The following DENND1A variants were observed in gnomAD, a reference collection of about 807,000 sequenced individuals.
The protein encoded by DENND1A is DENN domain containing 1A.
A neutral mutation model predicts 113.7 loss-of-function variants in DENND1A; 51 were observed. That is an observed-to-expected ratio of 0.45 (90% CI 0.36 to 0.57). The LOEUF is 0.57. Ranked by LOEUF, DENND1A falls within the 20% of genes least tolerant of loss-of-function variation. DENND1A has a pLI of 0.00. For synonymous variants in DENND1A, 565 were observed against 570.8 expected (o/e 0.99, Z 0.14); for missense variants, 1,258 against 1,395.9 (o/e 0.90, Z 1.57).
At chr9:123,710,304 C>T (rs1359131287) in intron 5 of DENND1A, among the ~76,000 whole-genome samples, 1 of 152,102 alleles carries the variant, frequency 6.6e-6, no homozygotes, top group South Asian at 2.1e-4. Context: ...CTTTTTATGT[C>T]ACCAACAAAA....
At chr9:123,889,727 C>G (rs184453561) in intron 1 of DENND1A, among the ~76,000 whole-genome samples, 22 of 152,234 alleles carry the variant, frequency 1.4e-4, no homozygotes, top group African/African-American at 4.6e-4. Context: ...AATTCCAGCA[C>G]TTTGGGAGGC....
chr9:123,621,853 T>C (rs2060980244), intron 10 of DENND1A, among the ~76,000 whole-genome samples: 1 of 152,242 alleles, frequency 6.6e-6, no homozygotes, highest in Non-Finnish European at 1.5e-5. Flanking sequence ...AACTGGATGT[T>C]ACTTCAGAAT....
At chr9:123,802,117 C>G (rs1199418636) in intron 2 of DENND1A, among the ~76,000 whole-genome samples, 1 of 152,186 alleles carries the variant, frequency 6.6e-6, no homozygotes, top group East Asian at 1.9e-4. Flanking sequence ...AACTAACTTG[C>G]TTTTGGCACT....
intron 5 of DENND1A, among the ~76,000 whole-genome samples, chr9:123,719,402 A>G (rs2067188311): frequency 6.6e-6 from 1 of 152,210 alleles, no homozygotes; most frequent in Non-Finnish European, 1.5e-5. Context: ...GCCGTGGATG[A>G]CAATCACGAA....
At chr9:123,485,004 G>C (rs1256466196) in intron 13 of DENND1A, among the ~76,000 whole-genome samples, 5 of 152,210 alleles carry the variant, frequency 3.3e-5, no homozygotes, top group Admixed American at 1.3e-4. Flanking sequence ...ACCTGATGTA[G>C]GGAAGTGGTG....
chr9:123,629,862 AAAACAAAC>A (rs1278934091), intron 10 of DENND1A, among the ~76,000 whole-genome samples: 2 of 152,200 alleles, frequency 1.3e-5, no homozygotes, highest in African/African-American at 4.8e-5. Context: ...GTCTTAGGAA[AAAACAAAC>A]AAACAAACAC....
intron 7 of DENND1A, 64 bp from the exon 8 acceptor site, chr9:123,667,143 AT>A: frequency 6.9e-7 from 1 of 1,459,428 alleles, no homozygotes; most frequent in South Asian, 1.3e-5. Flanking sequence ...ATTACTCAGA[AT>A]TCAGGTAAAT....
intron 19 of DENND1A, among the ~76,000 whole-genome samples, chr9:123,434,306 C>T (rs955490515): frequency 1.3e-5 from 2 of 152,228 alleles, no homozygotes; most frequent in Non-Finnish European, 2.9e-5. Context: ...GGATTACAGG[C>T]GTGAGCCACC....
At chr9:123,742,007 C>T (rs1004288768) in intron 5 of DENND1A, among the ~76,000 whole-genome samples, 15 of 152,196 alleles carry the variant, frequency 9.9e-5, no homozygotes, top group Non-Finnish European at 1.8e-4. Context: ...CAGGCCAGAG[C>T]GTTGCTCTCA....
chr9:123,388,971 G>C (rs1395550559), intron 21 of DENND1A, among the ~76,000 whole-genome samples: 3 of 152,224 alleles, frequency 2.0e-5, no homozygotes, highest in Non-Finnish European at 4.4e-5. Context: ...TGGGGCACGG[G>C]GGCTGGCATG....
intron 11 of DENND1A, among the ~76,000 whole-genome samples, chr9:123,587,721 AG>A (rs2059248989): frequency 6.6e-6 from 1 of 152,242 alleles, no homozygotes; most frequent in Non-Finnish European, 1.5e-5. Flanking sequence ...TCATTTTGGC[AG>A]TCCAACCTGG....
At chr9:123,526,524 TC>T (rs1234654522) in intron 13 of DENND1A, among the ~76,000 whole-genome samples, 2 of 151,972 alleles carry the variant, frequency 1.3e-5, no homozygotes, top group Non-Finnish European at 2.9e-5. Flanking sequence ...ATTTTCCCTC[TC>T]CCCCAGCCAC....
intron 2 of DENND1A, among the ~76,000 whole-genome samples, chr9:123,823,441 G>T (rs994791927): frequency 5.3e-5 from 8 of 152,174 alleles, no homozygotes; most frequent in African/African-American, 1.9e-4. Flanking sequence ...GTTGATCACT[G>T]AGCACAAGGG....
intron 5 of DENND1A, among the ~76,000 whole-genome samples, chr9:123,691,894 A>T (rs1367389366): frequency 2.0e-5 from 3 of 152,028 alleles, no homozygotes; most frequent in Non-Finnish European, 4.4e-5. Context: ...AACAGATTTG[A>T]CTCTGGGAGA....
At chr9:123,880,049 G>A (rs1365359540) in intron 1 of DENND1A, among the ~76,000 whole-genome samples, 1 of 152,116 alleles carries the variant, frequency 6.6e-6, no homozygotes, top group East Asian at 1.9e-4. Flanking sequence ...GTCTCACTCT[G>A]TCATCCAGGC....
chr9:123,892,263 C>A (rs1219121397), intron 1 of DENND1A, among the ~76,000 whole-genome samples: 1 of 152,168 alleles, frequency 6.6e-6, no homozygotes, highest in Non-Finnish European at 1.5e-5. Flanking sequence ...AACTCATGTT[C>A]ATGGTGCATT....
At chr9:123,664,562 T>C (rs559273493) in intron 8 of DENND1A, among the ~76,000 whole-genome samples, 5 of 152,184 alleles carry the variant, frequency 3.3e-5, no homozygotes, top group Non-Finnish European at 2.9e-5. Flanking sequence ...TTTTTATTTA[T>C]ATAAAAGCAT....
chr9:123,848,585 C>T (rs1842937892), intron 2 of DENND1A, among the ~76,000 whole-genome samples: 1 of 152,148 alleles, frequency 6.6e-6, no homozygotes, highest in African/African-American at 2.4e-5. Flanking sequence ...ATTCACCCTA[C>T]AATGGCCTCT....
At chr9:123,419,186 CAA>C (rs1487497317) in intron 19 of DENND1A, among the ~76,000 whole-genome samples, 1 of 152,214 alleles carries the variant, frequency 6.6e-6, no homozygotes, top group Non-Finnish European at 1.5e-5. Context: ...ACTGTGCATG[CAA>C]AGATTGGGGT....
Sources: gnomAD v4.1 joint callset for allele counts (sites outside exome capture counted in the v4.1 genomes callset) on GRCh38, gnomAD v4.1.1 for gene constraint, MANE v1.5 for transcripts, NCBI Gene and HGNC (gene_info 2026-07-23, HGNC 2026-07-21) for gene names.